The following B4GALNT2 variants were observed in gnomAD, a reference collection of about 807,000 sequenced individuals.
B4GALNT2 encodes beta-1,4-N-acetyl-galactosaminyltransferase 2 (SID blood group).
In B4GALNT2, 42 loss-of-function variants were observed where a neutral mutation model predicts 51.1. That is an observed-to-expected ratio of 0.82 (90% CI 0.64 to 1.06). The LOEUF (loss-of-function observed/expected upper bound fraction) is 1.06. B4GALNT2 is among the 50% of genes least tolerant of loss of function. The pLI is 0.00. For missense variants in B4GALNT2, 602 were observed against 633.6 expected, an observed-to-expected ratio of 0.95 and a Z score of 0.54; for synonymous variants, 253 against 251.7, an observed-to-expected ratio of 1.01 and a Z score of -0.05.
At chr17:49,159,322 T>G (rs578056884) in intron 6 of B4GALNT2, 105 bp downstream of exon 6, 39 of 1,215,388 alleles carry the variant, frequency 3.2e-5, no homozygotes, top group Non-Finnish European at 4.4e-5. Flanking sequence ...TTTTTGTGTT[T>G]TGTGTGTGTT....
chr17:49,157,014 T>C (rs2042816966), intron 5 of B4GALNT2, among the ~76,000 whole-genome samples: 1 of 152,230 alleles, frequency 6.6e-6, no homozygotes, highest in Admixed American at 6.5e-5. Context: ...GGATGCAAAT[T>C]GTGCCCAGAA....
Position 49,169,582 on chromosome 17 carries a change from G to A in B4GALNT2, c.1375G>A (p.Gly459Ser), listed in dbSNP as rs760590770. 4.3e-6 allele frequency: 7 copies of A among 1,612,990 alleles called. No homozygotes were observed. In the South Asian group the frequency reaches 7.7e-5, roughly 18 times the overall value. Residue 459 changes from glycine (G) to serine (S), a missense_variant, in exon 11 of 11, where the codon GGT becomes AGT. By Grantham distance (56) the Gly-to-Ser change is moderately conservative. Transcript: ENST00000393354. ...LVGSCPEVII[G>S]HQSRSPVVDS... ...GGGGTCATGCCCAGAAGTGATTATA[G>A]GTCACCAGTCTCGGTCTCCAGTGGT...
At chr17:49,142,007 A>G in intron 2 of B4GALNT2, 28 bp from the exon 3 acceptor site, 3 of 1,613,260 alleles carry the variant, frequency 1.9e-6, no homozygotes, top group Non-Finnish European at 2.5e-6. Flanking sequence ...CACCCAATCC[A>G]TGTTTACAGT....
At chr17:49,163,485 G>A (rs996688082) in intron 7 of B4GALNT2, among the ~76,000 whole-genome samples, 1 of 152,134 alleles carries the variant, frequency 6.6e-6, no homozygotes, top group Non-Finnish European at 1.5e-5. Flanking sequence ...GCCAGAAGCA[G>A]TGGCTCATGC....
intron 7 of B4GALNT2, among the ~76,000 whole-genome samples, chr17:49,161,142 G>A (rs2042860550): frequency 6.6e-6 from 1 of 152,052 alleles, no homozygotes; most frequent in Non-Finnish European, 1.5e-5. Flanking sequence ...GGGCGTGGTG[G>A]CAGGCACCTG....
At chr17:49,121,176 A>G in the B4GALNT2 span, among the ~76,000 whole-genome samples, 5 of 152,302 alleles carry the variant, frequency 3.3e-5, no homozygotes, top group Admixed American at 2.0e-4. Context: ...CATTCAGTCA[A>G]TGAATGGTGC....
intron 5 of B4GALNT2, among the ~76,000 whole-genome samples, 180 bp from the exon 6 acceptor site, chr17:49,158,856 CG>C (rs2042835023): frequency 6.6e-6 from 1 of 151,782 alleles, no homozygotes; most frequent in African/African-American, 2.4e-5. Context: ...GGATTGGGGG[CG>C]GGGGCGCTAG....
intron 7 of B4GALNT2, 111 bp downstream of exon 7, chr17:49,160,752 G>C: frequency 1.0e-6 from 1 of 1,001,170 alleles, no homozygotes; most frequent in Non-Finnish European, 1.6e-6. Context: ...TGACAGCTCT[G>C]ATATGCTCCC....
chr17:49,158,972 G>C, intron 5 of B4GALNT2, 65 bp from the exon 6 acceptor site: 2 of 1,549,344 alleles, frequency 1.3e-6, no homozygotes, highest in Non-Finnish European at 1.8e-6. Context: ...GGGTATGTAT[G>C]TATCTTTCCA....
At chr17:49,161,576 A>G (rs1338039691) in intron 7 of B4GALNT2, among the ~76,000 whole-genome samples, 1 of 152,176 alleles carries the variant, frequency 6.6e-6, no homozygotes, top group Non-Finnish European at 1.5e-5. Context: ...AAAATTAACA[A>G]TGAAAAATAA....
rs1351727274 is a variant in B4GALNT2 at position 49,159,291 on chromosome 17, T to A, written c.679+74T>A. On this transcript the variant is annotated intron_variant, in intron 6 of 10. Coordinates refer to ENST00000393354, the MANE Select transcript of B4GALNT2 (RefSeq NM_001159387.2). ...CCTCTGGGCCCTTTCAAAGTCTTCC[T>A]CCTTCAGGAAGCCTTCCTGTTTTTT... 1.3e-5 allele frequency: 19 copies of A among 1,453,382 alleles called. No homozygotes were observed. In the Admixed American group the frequency reaches 3.8e-4, roughly 29 times the overall value. 90.0% of individuals were successfully genotyped at this position (1,453,382 alleles called of 1,614,324 possible). A position where few individuals can be genotyped will look rare whatever the true frequency, so the allele number is the denominator to read the frequency against.
Position 49,169,555 on chromosome 17 carries a change from G to T in B4GALNT2, c.1348G>T (p.Val450Leu). The change falls in exon 11 of 11, where the codon GTG (valine) becomes TTG (leucine). Residue 450 changes from valine (V) to leucine (L), a missense_variant. Physicochemically the swap from Val to Leu is conservative, Grantham distance 32 (BLOSUM62 1). Coordinates refer to ENST00000393354, the MANE Select transcript of B4GALNT2 (RefSeq NM_001159387.2). The stretch of plus-strand genomic sequence containing the variant: ...CATTGATGGGCTAGGGACCCTACTC[G>T]TGGGGTCATGCCCAGAAGTGATTAT... Reference protein sequence around the residue: ...FFIDGLGTLLVGSCPEVIIGH... With the variant: ...FFIDGLGTLLLGSCPEVIIGH... The T allele has an allele frequency of 6.2e-7, 1 of 1,612,410 alleles. No individual in the cohort carries two copies. The highest frequency in any genetic ancestry group is 8.5e-7 in the Non-Finnish European group (1 of 1,180,018).
Position 49,168,809 on chromosome 17 carries a change from G to A in B4GALNT2, c.1224G>A (p.Val408=), listed in dbSNP as rs766321605. Residue 408 remains valine, a synonymous_variant, in exon 10 of 11, where the codon GTG becomes GTA. Coordinates refer to ENST00000393354, the MANE Select transcript of B4GALNT2 (RefSeq NM_001159387.2). ...QPLDGFPSCV[V]TSGVVNFFLA... is the part of the protein sequence containing the mutation. ...TGGATGGCTTCCCCAGCTGCGTGGT[G>A]ACCAGTGGCGTGGTCAACTTCTTCC... The A allele has an allele frequency of 2.5e-5, 40 of 1,613,884 alleles. 1 individual carries two copies. In the East Asian group the frequency reaches 8.9e-4, roughly 36 times the overall value.
chr17:49,168,675 G>A lies in B4GALNT2; in HGVS notation c.1096-6G>A. 6.2e-7 allele frequency: 1 copy of A among 1,612,218 alleles called. No homozygotes were observed. The highest frequency in any genetic ancestry group is 8.5e-7 in the Non-Finnish European group (1 of 1,179,308). On this transcript the variant is annotated splice_region_variant and splice_polypyrimidine_tract_variant and intron_variant, in intron 9 of 10. Coordinates refer to ENST00000393354, the MANE Select transcript of B4GALNT2 (RefSeq NM_001159387.2). ...TCTAACATGGATTTCTCTGCCTGCT[G>A]GCTAGGTAGGCGGCAGTGTGCTGGG...
intron 3 of B4GALNT2, chr17:49,148,313 A>G (rs769802668): frequency 3.7e-5 from 13 of 352,024 alleles, no homozygotes; most frequent in Non-Finnish European, 6.7e-5. Context: ...AAAAAAATAA[A>G]AACAAAACAA....
At chr17:49,134,347 T>G (rs2042570908) in intron 1 of B4GALNT2, among the ~76,000 whole-genome samples, 1 of 152,254 alleles carries the variant, frequency 6.6e-6, no homozygotes, top group Admixed American at 6.5e-5. Context: ...CAAACGTTTA[T>G]CATTTCTTTG....
intron 7 of B4GALNT2, among the ~76,000 whole-genome samples, chr17:49,161,862 C>CA (rs1345704014): frequency 6.7e-6 from 1 of 149,852 alleles, no homozygotes; most frequent in African/African-American, 2.5e-5. Context: ...GTCTCAAAAA[C>CA]AAAAAAACAA....
rs1004934668 is a variant in B4GALNT2 at position 49,167,566 on chromosome 17, G to C, written c.1096-1115G>C. Among the ~76,000 whole-genome samples, 3 of 150,398 alleles carry C rather than the reference G, an allele frequency of 2.0e-5. No homozygotes were observed. The East Asian group carries it at 5.8e-4, about 29-fold the overall frequency. On this transcript the variant is annotated intron_variant, in intron 9 of 10. Transcript: ENST00000393354. Reference sequence around the variant, plus strand: ...TTAGTGTACCCATTACCTGCATAACGAACATTGTACCCCACAGGTAATTTT... The same window carrying C: ...TTAGTGTACCCATTACCTGCATAACCAACATTGTACCCCACAGGTAATTTT...
the B4GALNT2 span, among the ~76,000 whole-genome samples, chr17:49,121,207 G>T: frequency 6.6e-6 from 1 of 152,152 alleles, no homozygotes; most frequent in Admixed American, 6.5e-5. Flanking sequence ...CCAGGCCTGC[G>T]CAAGGCTCTG....
Sources: gnomAD v4.1 joint callset for allele counts (sites outside exome capture counted in the v4.1 genomes callset) on GRCh38, gnomAD v4.1.1 for gene constraint, MANE v1.5 for transcripts, NCBI Gene and HGNC (gene_info 2026-07-23, HGNC 2026-07-21) for gene names.